AKAP6: variants seen among roughly 807,000 people sequenced by gnomAD.
AKAP6 encodes the protein A-kinase anchoring protein 6, also known as A-kinase anchor protein 6.
A neutral mutation model predicts 188.5 loss-of-function variants in AKAP6; 58 were observed. The ratio of observed to expected loss-of-function variants is 0.31; its 90% CI spans 0.25 to 0.38. The LOEUF is 0.38. Among genes scored for constraint, AKAP6 ranks in the 10% least tolerant of loss-of-function variants. The probability of loss-of-function intolerance (pLI) is 1.00; values close to 1 mark genes in which losing one functional copy is unlikely to be tolerated. For synonymous variants in AKAP6, 989 were observed against 998.6 expected, an observed-to-expected ratio of 0.99 and a Z score of 0.18; for missense variants, 2,710 against 2,740.0, an observed-to-expected ratio of 0.99 and a Z score of 0.24.
At chr14:32,431,812 CCTT>C (rs1343474155) in intron 1 of AKAP6, among the ~76,000 whole-genome samples, 12 of 152,218 alleles carry the variant, frequency 7.9e-5, no homozygotes, top group African/African-American at 2.9e-4. Context: ...CCACGTCTGG[CCTT>C]CTCCTCACCA....
chr14:32,355,410 C>T (rs1474506957), intron 1 of AKAP6, among the ~76,000 whole-genome samples: 1 of 139,262 alleles, frequency 7.2e-6, no homozygotes, highest in Non-Finnish European at 1.5e-5. Flanking sequence ...TAAGTTTTCT[C>T]TCTTGGTCTT....
chr14:32,554,274 C>G (rs564546154), intron 4 of AKAP6, among the ~76,000 whole-genome samples: 2 of 152,232 alleles, frequency 1.3e-5, no homozygotes, highest in Non-Finnish European at 2.9e-5. Flanking sequence ...TAAAGATTTA[C>G]TCTCTTGCCT....
chr14:32,659,068 A>G (rs1486963690), intron 7 of AKAP6, among the ~76,000 whole-genome samples: 4 of 152,118 alleles, frequency 2.6e-5, no homozygotes, highest in Non-Finnish European at 5.9e-5. Flanking sequence ...TAAGTTGAAG[A>G]CACTCTTTAA....
At chr14:32,603,935 T>G (rs995616111) in intron 7 of AKAP6, among the ~76,000 whole-genome samples, 3 of 151,958 alleles carry the variant, frequency 2.0e-5, no homozygotes, top group African/African-American at 7.2e-5. Flanking sequence ...AGAATACATT[T>G]AAAAATATAA....
chr14:32,735,755 A>T lies in AKAP6; in HGVS notation c.3245A>T (p.Gln1082Leu). The change falls in exon 11 of 14, where the codon CAG becomes CTG. Residue 1082 changes from glutamine (Q) to leucine (L), a missense_variant. By Grantham distance (113) the Gln-to-Leu change is moderately radical. This residue lies in a region of AKAP6 where 2,473 missense variants were observed against 2,426.1 expected (regional missense o/e 1.02). Coordinates refer to ENST00000280979, the MANE Select transcript of AKAP6 (RefSeq NM_004274.5). ...LSPESGSLVR[Q>L]LEVRIKELKG... Reference sequence around the variant, plus strand: ...CCTGAAAGTGGAAGCCTGGTAAGGCAGCTGGAGGTCAGGATCAAAGAACTG... The same window carrying T: ...CCTGAAAGTGGAAGCCTGGTAAGGCTGCTGGAGGTCAGGATCAAAGAACTG... The T allele has an allele frequency of 6.2e-7, 1 of 1,613,622 alleles. No homozygotes were observed. Among genetic ancestry groups the T allele is most frequent in the Non-Finnish European group, 8.5e-7 (1 of 1,179,758 alleles).
intron 2 of AKAP6, chr14:32,484,449 C>G (rs1566531757): frequency 5.8e-6 from 1 of 173,426 alleles, no homozygotes; most frequent in Non-Finnish European, 8.3e-6. Context: ...CCGGCTTCCA[C>G]TATGGCAGAT....
At chr14:32,422,353 T>C (rs1168046136) in intron 1 of AKAP6, among the ~76,000 whole-genome samples, 1 of 152,124 alleles carries the variant, frequency 6.6e-6, no homozygotes, top group Non-Finnish European at 1.5e-5. Context: ...GAACAACTCA[T>C]AGAACTCAGG....
chr14:32,784,802 T>A (rs982593338), intron 12 of AKAP6, among the ~76,000 whole-genome samples: 3 of 152,186 alleles, frequency 2.0e-5, no homozygotes, highest in African/African-American at 7.2e-5. Context: ...CGTATCTGAC[T>A]CCAAGATGTA....
chr14:32,508,855 C>T (rs1245945225), intron 2 of AKAP6, among the ~76,000 whole-genome samples: 1 of 150,126 alleles, frequency 6.7e-6, no homozygotes, highest in Non-Finnish European at 1.5e-5. Context: ...GATACGGAGT[C>T]TCGCTCTGTT....
chr14:32,669,502 G>A (rs538053189), intron 7 of AKAP6, among the ~76,000 whole-genome samples: 1 of 152,138 alleles, frequency 6.6e-6, no homozygotes, highest in African/African-American at 2.4e-5. Flanking sequence ...GACAACAAAA[G>A]CAAAAACACA....
At chr14:32,552,962 C>G (rs1031132449) in intron 4 of AKAP6, among the ~76,000 whole-genome samples, 1 of 152,074 alleles carries the variant, frequency 6.6e-6, no homozygotes, top group Admixed American at 6.5e-5. Flanking sequence ...ATGGCAGAGT[C>G]CTCCACTCTG....
chr14:32,820,738 G>A (rs942885532), intron 12 of AKAP6, among the ~76,000 whole-genome samples: 5 of 152,130 alleles, frequency 3.3e-5, no homozygotes, highest in Non-Finnish European at 7.3e-5. Flanking sequence ...GGAAGATACA[G>A]CTAAGGAGAA....
intron 2 of AKAP6, among the ~76,000 whole-genome samples, chr14:32,478,947 G>A (rs1879203355): frequency 6.6e-6 from 1 of 152,102 alleles, no homozygotes; most frequent in Non-Finnish European, 1.5e-5. Context: ...TTAAATTAGA[G>A]GGAGCTGAAG....
At chr14:32,576,212 A>G (rs981511435) in intron 4 of AKAP6, among the ~76,000 whole-genome samples, 2 of 152,150 alleles carry the variant, frequency 1.3e-5, no homozygotes, top group African/African-American at 4.8e-5. Context: ...GTTAAGTTTA[A>G]TAGGGAAACG....
intron 2 of AKAP6, among the ~76,000 whole-genome samples, chr14:32,472,453 A>C (rs544707257): frequency 3.5e-4 from 54 of 152,222 alleles, no homozygotes; most frequent in Non-Finnish European, 7.2e-4. Context: ...TTTCTCTATT[A>C]TTACTAAAGA....
rs1444380844 is a variant in AKAP6, at chr14:32,836,636, C to T, written c.*6831C>T. The stretch of plus-strand genomic sequence containing the variant: ...GTTACTTTAAGGGTAACTTTGAAGC[C>T]AATCTAATTCATACTCAAAAAAGTA... On this transcript the variant is annotated 3_prime_UTR_variant, in exon 14 of 14. Transcript: ENST00000280979. 1 of 152,020 alleles carries T rather than the reference C, an allele frequency of 6.6e-6. No homozygotes were observed. The highest frequency in any genetic ancestry group is 1.5e-5 in the Non-Finnish European group (1 of 68,018). 9.4% of individuals were successfully genotyped at this position (152,020 alleles called of 1,614,324 possible). A position where few individuals can be genotyped will look rare whatever the true frequency, so the allele number is the denominator to read the frequency against.
chr14:32,513,477 A>G lies in AKAP6; in HGVS notation c.325-22077A>G, dbSNP rs577751851. On this transcript the variant is annotated intron_variant, in intron 2 of 13. Transcript: ENST00000280979. ...ATAGAGCCCTAAAAGAATGAGGGTG[A>G]CTGTGGAGTGAGAGATCCCTGCTTA... Among the ~76,000 whole-genome samples the G allele has an allele frequency of 3.9e-5, 6 of 152,270 alleles. No individual in the cohort carries two copies. In the South Asian group the frequency reaches 1.2e-3, roughly 32 times the overall value.
intron 1 of AKAP6, among the ~76,000 whole-genome samples, chr14:32,337,677 T>A (rs1301228398): frequency 6.6e-6 from 1 of 151,934 alleles, no homozygotes; most frequent in Non-Finnish European, 1.5e-5. Flanking sequence ...ACCCATTAAC[T>A]CGTCATTTAG....
chr14:32,666,231 GTCTTT>G (rs1371811171), intron 7 of AKAP6, among the ~76,000 whole-genome samples: 4 of 151,920 alleles, frequency 2.6e-5, no homozygotes, highest in African/African-American at 4.8e-5. Flanking sequence ...TGATTTTTCT[GTCTTT>G]TCTTCATCTT....
Sources: gnomAD v4.1 joint callset for allele counts (sites outside exome capture counted in the v4.1 genomes callset) on GRCh38, gnomAD v4.1.1 for gene constraint, gnomAD v4.1.1 regional missense constraint, MANE v1.5 for transcripts, NCBI Gene and HGNC (gene_info 2026-07-23, HGNC 2026-07-21) for gene names.